The following PTPN14 variants were observed in gnomAD, a reference collection of about 807,000 sequenced individuals.
PTPN14 encodes the protein protein tyrosine phosphatase non-receptor type 14, also known as tyrosine-protein phosphatase non-receptor type 14.
In PTPN14, 53 loss-of-function variants were observed where a neutral mutation model predicts 126.8. That is an observed-to-expected ratio of 0.42 (90% CI 0.34 to 0.53). The LOEUF (loss-of-function observed/expected upper bound fraction) is 0.53. Ranked by LOEUF, PTPN14 falls within the 20% of genes least tolerant of loss-of-function variation. PTPN14 has a pLI of 0.08. For synonymous variants in PTPN14, 630 were observed against 599.3 expected, an observed-to-expected ratio of 1.05 and a Z score of -0.75; for missense variants, 1,257 against 1,552.9, an observed-to-expected ratio of 0.81 and a Z score of 3.20.
intron 1 of PTPN14, among the ~76,000 whole-genome samples, chr1:214,524,405 T>C (rs12121515): frequency 0.034 from 5,221 of 152,022 alleles, 166 homozygotes; most frequent in African/African-American, 0.085. Flanking sequence ...TAATCCCAGC[T>C]ACTTGGGAGG....
At chr1:214,463,204 G>C (rs766284309) in intron 2 of PTPN14, among the ~76,000 whole-genome samples, 8 of 152,112 alleles carry the variant, frequency 5.3e-5, no homozygotes, top group Admixed American at 1.3e-4. Context: ...AAAAATACTA[G>C]TTTTCTATAA....
chr1:214,473,083 G>A (rs1376892964), intron 1 of PTPN14, among the ~76,000 whole-genome samples: 1 of 152,138 alleles, frequency 6.6e-6, no homozygotes, highest in African/African-American at 2.4e-5. Context: ...GCTCTAAAGT[G>A]TAAGTTTCGA....
chr1:214,391,102 GA>G, intron 10 of PTPN14, 57 bp from the exon 11 acceptor site: 1 of 1,294,242 alleles, frequency 7.7e-7, no homozygotes, highest in African/African-American at 1.5e-5. Flanking sequence ...AAAAAGACCA[GA>G]TAGACAAGGG....
chr1:214,392,383 A>T (rs1162407130), intron 10 of PTPN14, among the ~76,000 whole-genome samples: 1 of 152,192 alleles, frequency 6.6e-6, no homozygotes, highest in East Asian at 1.9e-4. Context: ...ATACTGAAGG[A>T]AACGACCACA....
chr1:214,450,466 C>T (rs1336985125), intron 3 of PTPN14, among the ~76,000 whole-genome samples: 22 of 149,564 alleles, frequency 1.5e-4, no homozygotes, highest in South Asian at 2.2e-4. Flanking sequence ...AGCAAGACTC[C>T]GTCTCAAATT....
chr1:214,396,217 A>T (rs1571972500), intron 8 of PTPN14, among the ~76,000 whole-genome samples: 2 of 152,194 alleles, frequency 1.3e-5, no homozygotes, highest in African/African-American at 4.8e-5. Flanking sequence ...CTCCTACTTT[A>T]AAAATGAGGC....
intron 10 of PTPN14, 139 bp from the exon 11 acceptor site, chr1:214,391,184 G>A: frequency 2.1e-6 from 1 of 468,454 alleles, no homozygotes; most frequent in Non-Finnish European, 3.6e-6. Context: ...ATTTCTGGGT[G>A]GTAACACTAA....
At chr1:214,465,951 CTTT>C (rs71165974) in intron 1 of PTPN14, among the ~76,000 whole-genome samples, 8 of 59,024 alleles carry the variant, frequency 1.4e-4, no homozygotes, top group Admixed American at 6.4e-4. Context: ...CAGTTACTTC[CTTT>C]TTTTTTTTTT....
At position 214,394,902 on chromosome 1, in the gene PTPN14, G is replaced by A. The variant is rs1227318018; in HGVS notation, c.843C>T (p.His281=). 1 of 1,611,336 alleles carries A rather than the reference G, an allele frequency of 6.2e-7. No individual in the cohort carries two copies. The highest frequency in any genetic ancestry group is 1.3e-5 in the African/African-American group (1 of 74,998). Residue 281 remains histidine, a synonymous_variant, in exon 9 of 19, where the codon CAC becomes CAT. Transcript: ENST00000366956. ...ACTGTTTGTCTGTTGTGCTTACCGT[G>A]TGAAAGAGGGCAGTCTCTTCTTTGT... is the stretch of plus-strand genomic sequence containing the variant. The part of the protein sequence containing the change: ...LINKEETALF[H]TDDIENAKYI...
At chr1:214,404,983 C>T (rs1289394312) in intron 5 of PTPN14, among the ~76,000 whole-genome samples, 1 of 152,228 alleles carries the variant, frequency 6.6e-6, no homozygotes, top group African/African-American at 2.4e-5. Context: ...GGCATGCAGA[C>T]CATTCTTCAA....
intron 14 of PTPN14, among the ~76,000 whole-genome samples, chr1:214,376,753 A>G (rs1162990926): frequency 6.6e-6 from 1 of 152,194 alleles, no homozygotes; most frequent in Admixed American, 6.5e-5. Flanking sequence ...AATTATCCAA[A>G]CATCCTTTCC....
chr1:214,493,358 G>A (rs1395764702), intron 1 of PTPN14, among the ~76,000 whole-genome samples: 1 of 152,160 alleles, frequency 6.6e-6, no homozygotes, highest in African/African-American at 2.4e-5. Context: ...TTCCTCCACG[G>A]TGGTTGTACT....
chr1:214,492,354 G>C (rs1661269595), intron 1 of PTPN14, among the ~76,000 whole-genome samples: 1 of 152,172 alleles, frequency 6.6e-6, no homozygotes, highest in Admixed American at 6.5e-5. Context: ...GGCATCTGCA[G>C]ATTCAGCATC....
At chr1:214,359,381 T>A (rs1317503053) in intron 18 of PTPN14, among the ~76,000 whole-genome samples, 3 of 136,910 alleles carry the variant, frequency 2.2e-5, no homozygotes, top group Non-Finnish European at 4.8e-5. Context: ...GCCTGGCTAA[T>A]TTTTTTTTTT....
intron 17 of PTPN14, among the ~76,000 whole-genome samples, chr1:214,367,306 C>G (rs997664873): frequency 6.6e-6 from 1 of 152,154 alleles, no homozygotes; most frequent in East Asian, 1.9e-4. Context: ...ATCACGAGTC[C>G]TCTCTGGATC....
intron 15 of PTPN14, among the ~76,000 whole-genome samples, chr1:214,375,750 C>T (rs982119678): frequency 2.6e-5 from 4 of 152,120 alleles, no homozygotes; most frequent in African/African-American, 7.2e-5. Context: ...CTTCTAAATA[C>T]CATGCAATAA....
intron 16 of PTPN14, among the ~76,000 whole-genome samples, chr1:214,370,011 C>T (rs1388496325): frequency 2.6e-5 from 4 of 152,178 alleles, no homozygotes; most frequent in Non-Finnish European, 5.9e-5. Flanking sequence ...CCGGGCGTGG[C>T]GGCTCACGCC....
At chr1:214,459,997 C>A (rs562946269) in intron 2 of PTPN14, among the ~76,000 whole-genome samples, 1 of 152,152 alleles carries the variant, frequency 6.6e-6, no homozygotes, top group Non-Finnish European at 1.5e-5. Flanking sequence ...GAATGTTTCC[C>A]AAAGCATTTT....
At position 214,434,709 on chromosome 1, in the gene PTPN14, G is replaced by A. The variant is rs116596268; in HGVS notation, c.344+17096C>T. ...ATTACATGAAATTGGAGTCGCCCTG[G>A]ATGAAGTGTTGAGGACCCAGAGAAA... On this transcript the variant is annotated intron_variant, in intron 3 of 18. Coordinates refer to ENST00000366956, the MANE Select transcript of PTPN14 (RefSeq NM_005401.5). Among the ~76,000 whole-genome samples, 1,337 of 152,256 alleles carry A rather than the reference G, an allele frequency of 8.8e-3. 22 individuals are homozygous for A. Among genetic ancestry groups the A allele is most frequent in the African/African-American group, 0.031 (1,273 of 41,534 alleles).
Sources: gnomAD v4.1 joint callset for allele counts (sites outside exome capture counted in the v4.1 genomes callset) on GRCh38, gnomAD v4.1.1 for gene constraint, MANE v1.5 for transcripts, NCBI Gene and HGNC (gene_info 2026-07-23, HGNC 2026-07-21) for gene names.